The following KLHDC2 variants were observed in gnomAD, a reference collection of about 807,000 sequenced individuals.
KLHDC2 encodes kelch domain containing 2, also known as kelch domain-containing protein 2.
In KLHDC2, 38 loss-of-function variants were observed where a neutral mutation model predicts 62.3. The observed-to-expected ratio is 0.61, with a 90% confidence interval of 0.47 to 0.80. The LOEUF is 0.80. KLHDC2 is among the 30% of genes least tolerant of loss of function. The pLI, the probability that KLHDC2 is intolerant of heterozygous loss-of-function variation, is 0.00. For synonymous variants in KLHDC2, 159 were observed against 161.0 expected (o/e 0.99, Z 0.09); for missense variants, 430 against 495.3 (o/e 0.87, Z 1.25).
At chr14:49,769,784 A>G (rs1166415546) in intron 1 of KLHDC2, among the ~76,000 whole-genome samples, 3 of 56 alleles carry the variant, frequency 0.054, no homozygotes, top group Non-Finnish European at 0.12. Flanking sequence ...TAAAAATACA[A>G]AAAAAAAAAT....
chr14:49,770,378 G>A (rs993557573), intron 1 of KLHDC2, among the ~76,000 whole-genome samples: 4 of 152,202 alleles, frequency 2.6e-5, no homozygotes, highest in African/African-American at 9.7e-5. Context: ...GGTCCCCTGT[G>A]GGTCAGCCCG....
intron 10 of KLHDC2, among the ~76,000 whole-genome samples, chr14:49,781,690 C>CT (rs1273959145): frequency 6.6e-6 from 1 of 150,738 alleles, no homozygotes; most frequent in African/African-American, 2.4e-5. Flanking sequence ...GAGCAAGACT[C>CT]TGTCTCTTAA....
At chr14:49,775,499 T>C (rs1420311224) in intron 3 of KLHDC2, among the ~76,000 whole-genome samples, 2 of 152,086 alleles carry the variant, frequency 1.3e-5, no homozygotes, top group African/African-American at 4.8e-5. Flanking sequence ...AACTTTGACA[T>C]TGTATTTGGT....
At position 49,784,449 on chromosome 14, in the gene KLHDC2, C is replaced by A; in HGVS notation, c.*1496C>A. The A allele has an allele frequency of 1.9e-6, 1 of 524,854 alleles. No individual in the cohort carries two copies. The highest frequency in any genetic ancestry group is 3.4e-6 in the Non-Finnish European group (1 of 296,670). The allele number at this position is 524,854 out of a possible 1,614,324, so 32.5% of individuals were successfully genotyped here. A position where few individuals can be genotyped will look rare whatever the true frequency, so the allele number is the denominator to read the frequency against. On this transcript the variant is annotated 3_prime_UTR_variant, in exon 13 of 13. Transcript: ENST00000298307. ...CCACAAATACTTTTGGAAATCCTAT[C>A]ATAGACAGTGTTTCCTCTATATAAA...
In KLHDC2 at chr14:49,778,393, G is replaced by T; in HGVS notation, c.550-18G>T. 1 of 1,450,980 alleles carries T rather than the reference G, an allele frequency of 6.9e-7. No homozygotes were observed. The highest frequency in any genetic ancestry group is 1.2e-5 in the South Asian group (1 of 83,582). 89.9% of individuals were successfully genotyped at this position (1,450,980 alleles called of 1,614,324 possible). A position where few individuals can be genotyped will look rare whatever the true frequency, so the allele number is the denominator to read the frequency against. The stretch of plus-strand genomic sequence containing the variant: ...TAAATATCATTTCTAAAATAACGCG[G>T]ATTCTTATTTTCTGTAGAATTCAAG... On this transcript the variant is annotated intron_variant, in intron 5 of 12. Transcript: ENST00000298307.
In KLHDC2 at chr14:49,779,773, A is replaced by C; in HGVS notation, c.740A>C (p.Tyr247Ser). The C allele has an allele frequency of 6.2e-7, 1 of 1,610,030 alleles. No individual in the cohort carries two copies. The highest frequency in any genetic ancestry group is 1.1e-5 in the South Asian group (1 of 90,982). Residue 247 changes from tyrosine (Y) to serine (S), a missense_variant, in exon 8 of 13, where the codon TAT becomes TCT. Coordinates refer to ENST00000298307, the MANE Select transcript of KLHDC2 (RefSeq NM_014315.3). ...YRDARMNDLH[Y>S]LNLDTWEWNE... ...GATGCTAGAATGAATGATCTTCACT[A>C]TCTTAATCTGGATACATGGGAGTGG...
At chr14:49,771,829 C>G (rs1889671119) in intron 2 of KLHDC2, among the ~76,000 whole-genome samples, 156 bp downstream of exon 2, 1 of 152,094 alleles carries the variant, frequency 6.6e-6, no homozygotes, top group African/African-American at 2.4e-5. Context: ...AACCCCATCT[C>G]TATTAAAAAT....
chr14:49,770,638 T>A (rs1453229232), intron 1 of KLHDC2, among the ~76,000 whole-genome samples: 3 of 152,150 alleles, frequency 2.0e-5, no homozygotes, highest in African/African-American at 7.2e-5. Context: ...ACTTCATAAA[T>A]AACCTTGGGC....
chr14:49,776,653 T>G (rs887433701), intron 3 of KLHDC2, among the ~76,000 whole-genome samples: 7 of 152,160 alleles, frequency 4.6e-5, no homozygotes, highest in Non-Finnish European at 8.8e-5. Context: ...GTGTGGTAGC[T>G]TATGCTTATA....
At position 49,784,035 on chromosome 14, in the gene KLHDC2, G is replaced by GTTTC. The variant is rs1164965803; in HGVS notation, c.*1086_*1089dup. ...AGCAATCAAGCCACTTCACTGTTCA[G>GTTTC]TTTCTTTACATCATGAAATGAATAC... On this transcript the variant is annotated 3_prime_UTR_variant, in exon 13 of 13. Coordinates refer to ENST00000298307, the MANE Select transcript of KLHDC2 (RefSeq NM_014315.3). 6 of 151,760 alleles carry GTTTC rather than the reference G, an allele frequency of 4.0e-5. No homozygotes were observed. The highest frequency in any genetic ancestry group is 2.0e-4 in the Admixed American group (3 of 15,216). The allele number at this position is 151,760 out of a possible 1,614,324, so 9.4% of individuals were successfully genotyped here.
chr14:49,784,574 C>CT lies in KLHDC2; in HGVS notation c.*1624dup, dbSNP rs1295360936. On this transcript the variant is annotated 3_prime_UTR_variant, in exon 13 of 13. Coordinates refer to ENST00000298307, the MANE Select transcript of KLHDC2 (RefSeq NM_014315.3). ...AAATCCTGATACATGGTGCTTTCAT[C>CT]TTTGAACTTCCAAAAGGCTATAAAA... 31 of 1,174,080 alleles carry CT rather than the reference C, an allele frequency of 2.6e-5. No homozygotes were observed. The highest frequency in any genetic ancestry group is 3.5e-5 in the Non-Finnish European group (28 of 796,878). 72.7% of individuals were successfully genotyped at this position (1,174,080 alleles called of 1,614,324 possible). A position where few individuals can be genotyped will look rare whatever the true frequency, so the allele number is the denominator to read the frequency against.
At chr14:49,782,790 T>C in intron 12 of KLHDC2, 40 bp from the exon 13 acceptor site, 8 of 1,595,880 alleles carry the variant, frequency 5.0e-6, no homozygotes, top group Non-Finnish European at 6.8e-6. Flanking sequence ...TTCCAAACAG[T>C]AAAGTGAAAT....
At position 49,784,529 on chromosome 14, in the gene KLHDC2, A is replaced by C; in HGVS notation, c.*1576A>C. ...TGGTGAATATAGCAAGGCAATGTTT[A>C]GTTCATTTTTATAATGCGGAAATCC... On this transcript the variant is annotated 3_prime_UTR_variant, in exon 13 of 13. Coordinates refer to ENST00000298307, the MANE Select transcript of KLHDC2 (RefSeq NM_014315.3). 1 of 743,746 alleles carries C rather than the reference A, an allele frequency of 1.3e-6. No homozygotes were observed. The highest frequency in any genetic ancestry group is 1.8e-5 in the African/African-American group (1 of 56,880). The allele number at this position is 743,746 out of a possible 1,614,324, so 46.1% of individuals were successfully genotyped here. A position where few individuals can be genotyped will look rare whatever the true frequency, so the allele number is the denominator to read the frequency against.
rs920604472 is a variant in KLHDC2 at position 49,768,307 on chromosome 14, G to T, written c.-162G>T. On this transcript the variant is annotated 5_prime_UTR_variant, in exon 1 of 13. Coordinates refer to ENST00000298307, the MANE Select transcript of KLHDC2 (RefSeq NM_014315.3). ...CGGAGAGCCGTCCTCGGCCGAGGAG[G>T]CTGGGAAACGCGAGCGCAGGCGGCA... The T allele has an allele frequency of 3.8e-4, 280 of 739,814 alleles. No individual in the cohort carries two copies. Among genetic ancestry groups the T allele is most frequent in the South Asian group, 6.0e-4 (30 of 50,104 alleles). 45.8% of individuals were successfully genotyped at this position (739,814 alleles called of 1,614,324 possible).
intron 1 of KLHDC2, 37 bp downstream of exon 1, chr14:49,768,658 G>A: frequency 6.5e-7 from 1 of 1,531,330 alleles, no homozygotes. Flanking sequence ...ACGTCGCTCG[G>A]CTGTGACTCG....
rs1048396049 is a variant in KLHDC2, at chr14:49,785,255, T to C, written c.*2302T>C. The stretch of plus-strand genomic sequence containing the variant: ...TCATGGTGGTGTAAGGGGCACATAT[T>C]GGAATGGCAAACAGTAGTACATCTT... On this transcript the variant is annotated 3_prime_UTR_variant, in exon 13 of 13. Coordinates refer to ENST00000298307, the MANE Select transcript of KLHDC2 (RefSeq NM_014315.3). 1.2e-6 allele frequency: 2 copies of C among 1,613,896 alleles called. No homozygotes were observed. Among genetic ancestry groups the C allele is most frequent in the African/African-American group, 1.3e-5 (1 of 74,922 alleles).
chr14:49,780,832 G>C, intron 10 of KLHDC2, 57 bp downstream of exon 10: 4 of 920,612 alleles, frequency 4.3e-6, no homozygotes, highest in Non-Finnish European at 5.5e-6. Context: ...TTGAGGTTTT[G>C]GCTGCATTAT....
At chr14:49,780,644 C>T (rs894956777) in intron 9 of KLHDC2, 59 bp from the exon 10 acceptor site, 4 of 1,117,952 alleles carry the variant, frequency 3.6e-6, no homozygotes, top group Non-Finnish European at 5.5e-6. Flanking sequence ...AAGCTGTGCC[C>T]TTTAAATGTC....
chr14:49,780,742 T>C lies in KLHDC2; in HGVS notation c.923T>C (p.Ile308Thr). ...TACTGCATCAGTAAAAATGAATGGA[T>C]ACAATTTAATCATCCATATACCGAA... Reference protein sequence around the residue: ...WTYCISKNEWIQFNHPYTEKP... With the variant: ...WTYCISKNEWTQFNHPYTEKP... Residue 308 changes from isoleucine (I) to threonine (T), a missense_variant, in exon 10 of 13, where the codon ATA becomes ACA. Transcript: ENST00000298307. 1 of 1,607,996 alleles carries C rather than the reference T, an allele frequency of 6.2e-7. No individual in the cohort carries two copies. The highest frequency in any genetic ancestry group is 8.5e-7 in the Non-Finnish European group (1 of 1,174,452).
Sources: gnomAD v4.1 joint callset for allele counts (sites outside exome capture counted in the v4.1 genomes callset) on GRCh38, gnomAD v4.1.1 for gene constraint, MANE v1.5 for transcripts, NCBI Gene and HGNC (gene_info 2026-07-23, HGNC 2026-07-21) for gene names.